The following MACROD2 variants were observed in gnomAD, a reference collection of about 807,000 sequenced individuals.
MACROD2 encodes mono-ADP ribosylhydrolase 2, also known as ADP-ribose glycohydrolase MACROD2.
A neutral mutation model predicts 70.4 loss-of-function variants in MACROD2; 36 were observed. That is an observed-to-expected ratio of 0.51 (90% CI 0.39 to 0.68). The LOEUF (loss-of-function observed/expected upper bound fraction) is 0.68, where lower values mean the gene tolerates loss of function less well. MACROD2 is among the 30% of genes least tolerant of loss of function. The probability of loss-of-function intolerance (pLI) is 0.00; values close to 1 mark genes in which losing one functional copy is unlikely to be tolerated. For synonymous variants in MACROD2, 172 were observed against 178.8 expected, an observed-to-expected ratio of 0.96 and a Z score of 0.30; for missense variants, 496 against 538.4, an observed-to-expected ratio of 0.92 and a Z score of 0.78.
intron 8 of MACROD2, among the ~76,000 whole-genome samples, chr20:15,808,032 C>T (rs116557681): frequency 0.016 from 2,492 of 152,188 alleles, 59 homozygotes; most frequent in African/African-American, 0.057. Flanking sequence ...TTCTAATTAC[C>T]GGTGTGTGCA....
At chr20:15,357,931 C>T (rs999188127) in intron 6 of MACROD2, among the ~76,000 whole-genome samples, 15 of 151,924 alleles carry the variant, frequency 9.9e-5, no homozygotes, top group African/African-American at 3.6e-4. Context: ...CTCAGCCTCC[C>T]GATTAGCTGG....
intron 3 of MACROD2, among the ~76,000 whole-genome samples, chr20:14,344,650 C>A (rs1288276621): frequency 6.6e-6 from 1 of 152,078 alleles, no homozygotes; most frequent in Non-Finnish European, 1.5e-5. Context: ...CTAGACTGAA[C>A]AAGTTTATTT....
At chr20:15,987,229 T>C (rs920538124) in intron 15 of MACROD2, 71 bp downstream of exon 15, 11 of 1,218,076 alleles carry the variant, frequency 9.0e-6, no homozygotes, top group African/African-American at 1.5e-5. Flanking sequence ...AATTCAACCA[T>C]CAAAGTTATT....
intron 3 of MACROD2, among the ~76,000 whole-genome samples, chr20:14,100,784 ATAT>A (rs1275427083): frequency 1.8e-4 from 25 of 138,696 alleles, no homozygotes; most frequent in East Asian, 1.6e-3. Flanking sequence ...TATATATTAC[ATAT>A]TATATATTAT....
chr20:14,325,420 A>G, intron 3 of MACROD2: 1 of 847,054 alleles, frequency 1.2e-6, no homozygotes, highest in Non-Finnish European at 1.7e-6. Context: ...TTAAATATAA[A>G]TTATATGGCA....
At chr20:15,976,114 ATTG>A (rs1179060838) in intron 13 of MACROD2, among the ~76,000 whole-genome samples, 1 of 152,206 alleles carries the variant, frequency 6.6e-6, no homozygotes, top group African/African-American at 2.4e-5. Flanking sequence ...ATAAAATTAT[ATTG>A]TTGTTGCTAT....
intron 5 of MACROD2, among the ~76,000 whole-genome samples, chr20:14,811,627 A>G (rs182500063): frequency 1.3e-5 from 2 of 152,282 alleles, no homozygotes; most frequent in East Asian, 3.9e-4. Flanking sequence ...AGAAACTATT[A>G]TCAGAGTGAC....
At chr20:15,402,799 C>T (rs1481652406) in intron 6 of MACROD2, among the ~76,000 whole-genome samples, 1 of 152,124 alleles carries the variant, frequency 6.6e-6, no homozygotes, top group Admixed American at 6.5e-5. Flanking sequence ...TTAAATAAGG[C>T]CTTCTGCTTT....
intron 6 of MACROD2, among the ~76,000 whole-genome samples, chr20:15,346,109 T>A (rs200408073): frequency 0.17 from 10,838 of 64,266 alleles, 492 homozygotes; most frequent in Non-Finnish European, 0.23. Context: ...AGGTAAAAAT[T>A]TTTTTTTTTT....
At chr20:15,742,966 C>G (rs1455441276) in intron 8 of MACROD2, among the ~76,000 whole-genome samples, 5 of 152,186 alleles carry the variant, frequency 3.3e-5, no homozygotes, top group Admixed American at 1.3e-4. Context: ...CTTGTCAGGT[C>G]AATTGTATTT....
intron 5 of MACROD2, among the ~76,000 whole-genome samples, chr20:14,965,453 C>CTTTTTTTT (rs532870999): frequency 7.9e-4 from 54 of 68,080 alleles, no homozygotes; most frequent in Non-Finnish European, 1.1e-3. Context: ...ATTTTTTTTT[C>CTTTTTTTT]TTTTTTTTTT....
At chr20:15,717,740 G>A (rs1192801171) in intron 8 of MACROD2, among the ~76,000 whole-genome samples, 1 of 152,146 alleles carries the variant, frequency 6.6e-6, no homozygotes, top group Admixed American at 6.5e-5. Flanking sequence ...GTGAATGGAG[G>A]ACCTTGGGAA....
intron 3 of MACROD2, among the ~76,000 whole-genome samples, chr20:14,289,266 C>T (rs888252390): frequency 6.6e-6 from 1 of 152,082 alleles, no homozygotes; most frequent in African/African-American, 2.4e-5. Context: ...TGATTCATCC[C>T]GTTCAAGTAA....
intron 3 of MACROD2, among the ~76,000 whole-genome samples, chr20:14,450,229 C>G (rs1568617113): frequency 6.6e-6 from 1 of 152,104 alleles, no homozygotes; most frequent in Admixed American, 6.5e-5. Flanking sequence ...CACCTTATAA[C>G]TGAGTCCACC....
At chr20:14,438,470 T>C (rs1356489172) in intron 3 of MACROD2, among the ~76,000 whole-genome samples, 1 of 152,202 alleles carries the variant, frequency 6.6e-6, no homozygotes, top group African/African-American at 2.4e-5. Flanking sequence ...TGTCTTTAAT[T>C]TTTTGAATAA....
intron 8 of MACROD2, among the ~76,000 whole-genome samples, chr20:15,796,927 C>T (rs766075755): frequency 6.6e-6 from 1 of 152,016 alleles, no homozygotes; most frequent in Non-Finnish European, 1.5e-5. Flanking sequence ...GTTATATATA[C>T]GAGCTAGGAG....
At chr20:14,943,014 C>T (rs1444065812) in intron 5 of MACROD2, among the ~76,000 whole-genome samples, 1 of 152,182 alleles carries the variant, frequency 6.6e-6, no homozygotes, top group Non-Finnish European at 1.5e-5. Flanking sequence ...AGCTTGTATT[C>T]ATCACCTGAA....
chr20:14,157,373 G>A (rs1335009678), intron 3 of MACROD2, among the ~76,000 whole-genome samples: 1 of 152,044 alleles, frequency 6.6e-6, no homozygotes, highest in Admixed American at 6.5e-5. Flanking sequence ...ATCATCTTGA[G>A]TATTTATCAT....
At chr20:15,618,095 C>CTTTTT (rs398035424) in intron 8 of MACROD2, among the ~76,000 whole-genome samples, 84 of 70,718 alleles carry the variant, frequency 1.2e-3, no homozygotes, top group Non-Finnish European at 1.8e-3. Flanking sequence ...CATCATTAGT[C>CTTTTT]TTTTTTTTTT....
Sources: gnomAD v4.1 joint callset for allele counts (sites outside exome capture counted in the v4.1 genomes callset) on GRCh38, gnomAD v4.1.1 for gene constraint, MANE v1.5 for transcripts, NCBI Gene and HGNC (gene_info 2026-07-23, HGNC 2026-07-21) for gene names.